ATP6V0A4: variants seen among roughly 807,000 people sequenced by gnomAD.
ATP6V0A4 encodes the protein V-type proton ATPase 116 kDa subunit a 4.
Under a neutral mutation model 107.3 loss-of-function variants are expected in ATP6V0A4, and 86 were observed. The observed-to-expected ratio is 0.80, with a 90% CI of 0.67 to 0.96. The LOEUF (loss-of-function observed/expected upper bound fraction) is 0.96. Among genes scored for constraint, ATP6V0A4 ranks in the 40% least tolerant of loss-of-function variants. The pLI is 0.00. For missense variants in ATP6V0A4, 908 were observed against 1,045.6 expected (o/e 0.87, Z 1.81); for synonymous variants, 353 against 381.4 (o/e 0.93, Z 0.87).
At chr7:138,784,705 A>G (rs1808103750) in intron 2 of ATP6V0A4, among the ~76,000 whole-genome samples, 1 of 152,212 alleles carries the variant, frequency 6.6e-6, no homozygotes, top group South Asian at 2.1e-4. Context: ...TCTTGAGAGA[A>G]ACAACTTTCT....
intron 1 of ATP6V0A4, among the ~76,000 whole-genome samples, chr7:138,791,648 A>C (rs1808417847): frequency 1.3e-5 from 2 of 152,244 alleles, no homozygotes; most frequent in African/African-American, 2.4e-5. Flanking sequence ...AAACAATGGT[A>C]GCCAAAAGAA....
At chr7:138,707,192 T>TTATACATA (rs1207869356) in intron 21 of ATP6V0A4, among the ~76,000 whole-genome samples, 1 of 66,100 alleles carries the variant, frequency 1.5e-5, no homozygotes, top group African/African-American at 8.2e-5. Context: ...ATATATTATA[T>TTATACATA]ATATTATATA....
intron 13 of ATP6V0A4, among the ~76,000 whole-genome samples, chr7:138,745,656 C>T (rs1378504240): frequency 7.7e-5 from 2 of 25,976 alleles, no homozygotes; most frequent in Non-Finnish European, 1.3e-4. Context: ...CAGCCTGTGT[C>T]TCAAAAAAAA....
chr7:138,783,410 A>T (rs897670930), intron 2 of ATP6V0A4, among the ~76,000 whole-genome samples: 14 of 152,040 alleles, frequency 9.2e-5, no homozygotes, highest in East Asian at 1.9e-4. Flanking sequence ...GTCTCTATTT[A>T]AAAAAAATTT....
At chr7:138,746,508 T>TG (rs1164551138) in intron 13 of ATP6V0A4, among the ~76,000 whole-genome samples, 10 of 109,818 alleles carry the variant, frequency 9.1e-5, no homozygotes, top group African/African-American at 4.0e-4. Flanking sequence ...ATTGCAGATA[T>TG]TTTTTTTTTT....
chr7:138,745,633 C>T (rs186290472), intron 13 of ATP6V0A4, among the ~76,000 whole-genome samples: 1,204 of 94,714 alleles, frequency 0.013, 15 homozygotes, highest in African/African-American at 0.04. Context: ...GCCAAGATTG[C>T]ACCACTGCGC....
chr7:138,771,145 C>G lies in ATP6V0A4; in HGVS notation c.103G>C (p.Val35Leu). 6.2e-7 allele frequency: 1 copy of G among 1,614,076 alleles called. No homozygotes were observed. The highest frequency in any genetic ancestry group is 8.5e-7 in the Non-Finnish European group (1 of 1,179,992). ...TCAGTACCTACATCTTTGAACTGAA[C>G]CAATCCGAGCTCTCCGAGCTCAGCC... ...CVAELGELGLVQFKDLNMNVN... is the reference protein window; with the variant it reads ...CVAELGELGLLQFKDLNMNVN... The change falls in exon 3 of 22, where the codon GTT (valine) becomes CTT (leucine). Residue 35 changes from valine (V) to leucine (L), a missense_variant. Physicochemically the swap from Val to Leu is conservative, Grantham distance 32. Coordinates refer to ENST00000310018, the MANE Select transcript of ATP6V0A4 (RefSeq NM_020632.3).
chr7:138,711,918 T>C (rs1403891097), intron 20 of ATP6V0A4, among the ~76,000 whole-genome samples: 1 of 152,230 alleles, frequency 6.6e-6, no homozygotes. Context: ...ATCCCATGAC[T>C]GTCACCCACT....
chr7:138,791,313 GATAAAGA>G (rs910693733), intron 1 of ATP6V0A4, among the ~76,000 whole-genome samples: 2 of 152,116 alleles, frequency 1.3e-5, no homozygotes, highest in Non-Finnish European at 2.9e-5. Context: ...AAAACAAAAA[GATAAAGA>G]ATAAAGAAGA....
chr7:138,725,407 G>T (rs1369815574), intron 18 of ATP6V0A4, among the ~76,000 whole-genome samples: 1 of 152,196 alleles, frequency 6.6e-6, no homozygotes, highest in Non-Finnish European at 1.5e-5. Flanking sequence ...CATTCTGGAT[G>T]ATTTCATTTA....
intron 18 of ATP6V0A4, among the ~76,000 whole-genome samples, chr7:138,723,291 A>G (rs1804530628): frequency 6.6e-6 from 1 of 152,152 alleles, no homozygotes; most frequent in Non-Finnish European, 1.5e-5. Context: ...CGTACCTTCC[A>G]TGTAGCCTTG....
rs765505477 is a variant in ATP6V0A4, at chr7:138,709,771, A to G, written c.2282T>C (p.Met761Thr). ...CGTCTGAAGGCCGCTGTTCATCACC[A>G]TAGTCCAGAGCACTTCAGACAGTTC... is the stretch of plus-strand genomic sequence containing the variant. ...HAQLSEVLWT[M>T]VMNSGLQTRG... The change falls in exon 21 of 22, where the codon ATG becomes ACG. Residue 761 changes from methionine to threonine, a missense_variant. Physicochemically the swap from Met to Thr is moderately conservative, Grantham distance 81. Coordinates refer to ENST00000310018, the MANE Select transcript of ATP6V0A4 (RefSeq NM_020632.3). The G allele has an allele frequency of 1.2e-6, 2 of 1,614,028 alleles. No homozygotes were observed. The highest frequency in any genetic ancestry group is 1.7e-6 in the Non-Finnish European group (2 of 1,179,934).
At chr7:138,781,765 T>C (rs914489192) in intron 2 of ATP6V0A4, among the ~76,000 whole-genome samples, 1 of 152,192 alleles carries the variant, frequency 6.6e-6, no homozygotes, top group Non-Finnish European at 1.5e-5. Flanking sequence ...AATGGAGTGG[T>C]GAGGAACAAT....
chr7:138,706,787 G>A, intron 21 of ATP6V0A4, 70 bp from the exon 22 acceptor site: 1 of 1,597,480 alleles, frequency 6.3e-7, no homozygotes, highest in Non-Finnish European at 8.5e-7. Context: ...GCTGGAAGGT[G>A]GAGGGAAGGA....
At chr7:138,738,571 C>T (rs1042225269) in intron 15 of ATP6V0A4, among the ~76,000 whole-genome samples, 1 of 152,202 alleles carries the variant, frequency 6.6e-6, no homozygotes, top group Non-Finnish European at 1.5e-5. Context: ...GCAACTTACA[C>T]ACCAGCCTTC....
At chr7:138,751,190 A>G (rs956314764) in intron 11 of ATP6V0A4, among the ~76,000 whole-genome samples, 6 of 152,114 alleles carry the variant, frequency 3.9e-5, no homozygotes, top group African/African-American at 1.4e-4. Context: ...AAATTATTCA[A>G]ACAAGCTAAT....
intron 15 of ATP6V0A4, among the ~76,000 whole-genome samples, chr7:138,735,707 C>A (rs1156806409): frequency 1.3e-5 from 2 of 152,192 alleles, no homozygotes; most frequent in Non-Finnish European, 2.9e-5. Flanking sequence ...CCCCAGCCCT[C>A]GGCATTCCCC....
chr7:138,719,677 G>C (rs1462613127), intron 19 of ATP6V0A4, among the ~76,000 whole-genome samples: 1 of 152,216 alleles, frequency 6.6e-6, no homozygotes, highest in African/African-American at 2.4e-5. Context: ...CACTGTCCCA[G>C]ATACTGCCCT....
rs371284081 is a variant in ATP6V0A4, at chr7:138,745,289, A to G, written c.1321-9T>C. On this transcript the variant is annotated splice_polypyrimidine_tract_variant and intron_variant, in intron 13 of 21. Transcript: ENST00000310018. ...AAGAAGGTGTTCCAAATCTGGCCTC[A>G]GAGAGACAGAGAGGATGATTGTCAG... 8 of 1,613,770 alleles carry G rather than the reference A, an allele frequency of 5.0e-6. No homozygotes were observed. The highest frequency in any genetic ancestry group is 6.8e-6 in the Non-Finnish European group (8 of 1,179,834).
Sources: allele counts gnomAD v4.1 joint callset (sites outside exome capture counted in the v4.1 genomes callset), GRCh38; gene constraint gnomAD v4.1.1; transcripts MANE v1.5; gene names NCBI Gene and HGNC (gene_info 2026-07-23, HGNC 2026-07-21).